The following HR variants were observed in gnomAD, a reference collection of about 807,000 sequenced individuals.
HR encodes HR lysine demethylase and nuclear receptor corepressor, also known as lysine-specific demethylase hairless.
HR carries 83 observed loss-of-function variants against 128.6 expected under a neutral mutation model. The ratio of observed to expected loss-of-function variants is 0.65; its 90% CI spans 0.54 to 0.77. The LOEUF is 0.77. Ranked by LOEUF, HR falls within the 30% of genes least tolerant of loss-of-function variation. The pLI is 0.00. For missense variants in HR, 1,490 were observed against 1,574.6 expected, an observed-to-expected ratio of 0.95 and a Z score of 0.91; for synonymous variants, 681 against 658.2, an observed-to-expected ratio of 1.03 and a Z score of -0.53.
At chr8:22,122,932 G>C (rs1826792927) in intron 6 of HR, 53 bp from the exon 7 acceptor site, 2 of 1,511,448 alleles carry the variant, frequency 1.3e-6, no homozygotes, top group South Asian at 2.4e-5. Context: ...GTAATCACAG[G>C]TTAAGGTCAG....
intron 5 of HR, among the ~76,000 whole-genome samples, chr8:22,124,346 C>T (rs777023524): frequency 2.4e-4 from 36 of 152,212 alleles, no homozygotes; most frequent in African/African-American, 7.7e-4. Flanking sequence ...CCTCCCACCT[C>T]GGCCTCCCAA....
At chr8:22,129,273 G>A in intron 1 of HR, 63 bp from the exon 2 acceptor site, 1 of 1,406,566 alleles carries the variant, frequency 7.1e-7, no homozygotes, top group Non-Finnish European at 9.5e-7. Flanking sequence ...TTACAGCCTG[G>A]CACAGAGTGG....
At chr8:22,121,774 A>G in intron 8 of HR, 80 bp from the exon 9 acceptor site, 1 of 1,351,920 alleles carries the variant, frequency 7.4e-7, no homozygotes, top group Non-Finnish European at 1.1e-6. Flanking sequence ...ACCCACAAGA[A>G]TGAACAATGG....
intron 11 of HR, 103 bp from the exon 12 acceptor site, chr8:22,120,610 C>T (rs1826719274): frequency 1.3e-6 from 2 of 1,580,396 alleles, no homozygotes; most frequent in East Asian, 4.5e-5. Flanking sequence ...CGGGGACAGC[C>T]CTCCTGCTCC....
intron 8 of HR, 33 bp downstream of exon 8, chr8:22,122,460 G>T: frequency 6.6e-7 from 1 of 1,512,942 alleles, no homozygotes; most frequent in Non-Finnish European, 9.1e-7. Context: ...TTGCAGGCAC[G>T]ATACCCAACC....
intron 6 of HR, 32 bp downstream of exon 6, chr8:22,123,617 T>TTGGGCG: frequency 6.8e-6 from 2 of 292,088 alleles, no homozygotes; most frequent in Non-Finnish European, 1.2e-5. Flanking sequence ...GAGGGCTCCA[T>TTGGGCG]CCCGCCCTCC....
intron 16 of HR, chr8:22,117,698 A>G (rs6557831): frequency 0.57 from 86,561 of 152,168 alleles, 25,351 homozygotes; most frequent in Middle Eastern, 0.71. Flanking sequence ...AGGGACTCGC[A>G]GAGGACAGAG....
In HR at chr8:22,127,312, G is replaced by T; in HGVS notation, c.1130C>A (p.Thr377Asn). 1 of 1,613,426 alleles carries T rather than the reference G, an allele frequency of 6.2e-7. No homozygotes were observed. The highest frequency in any genetic ancestry group is 8.5e-7 in the Non-Finnish European group (1 of 1,180,036). ...GPRACPPSHH[T>N]KLKKTWLTRH... ...TGTGAGCCATGTCTTCTTCAGCTTG[G>T]TGTGGTGGCTGGGGGGACAGGCCCT... Residue 377 changes from threonine (T) to asparagine (N), a missense_variant, in exon 3 of 19, where the codon ACC becomes AAC. This residue lies in a region of HR where 1,060 missense variants were observed against 1,060.9 expected (regional missense o/e 1.00). Coordinates refer to ENST00000381418, the MANE Select transcript of HR (RefSeq NM_005144.5).
chr8:22,119,925 A>AT, intron 13 of HR, 35 bp from the exon 14 acceptor site: 1 of 1,612,420 alleles, frequency 6.2e-7, no homozygotes. Context: ...AGCAGGCCCA[A>AT]CCTGGGCACC....
chr8:22,116,774 C>T lies in HR; in HGVS notation c.3378+101G>A, dbSNP rs915069903. 11 of 1,463,130 alleles carry T rather than the reference C, an allele frequency of 7.5e-6. No individual in the cohort carries two copies. Among genetic ancestry groups the T allele is most frequent in the African/African-American group, 2.8e-5 (2 of 71,570 alleles). The allele number at this position is 1,463,130 out of a possible 1,614,324, so 90.6% of individuals were successfully genotyped here. On this transcript the variant is annotated intron_variant, in intron 17 of 18. Coordinates refer to ENST00000381418, the MANE Select transcript of HR (RefSeq NM_005144.5). This position sits in a 1 kb window ranked among gnomAD's most constrained non-coding sequence, Gnocchi z 4.2. The stretch of plus-strand genomic sequence containing the variant: ...GCAGCGTGCGGCTCCCTGCCCTGCC[C>T]GGCTCTTGGGTATTGAGGGGATGTT...
Position 22,121,172 on chromosome 8 carries a change from G to A in HR, c.2260C>T (p.Pro754Ser), listed in dbSNP as rs1826741839. Reference protein sequence around the residue: ...AEDRAGRGPLPCPSLCELLAS... With the variant: ...AEDRAGRGPLSCPSLCELLAS... ...AGCAGTTCGCAGAGAGAAGGACAAG[G>A]CAGGGGCCCTCGGCCAGCACGGTCC... The change falls in exon 10 of 19, where the codon CCT becomes TCT. Residue 754 changes from proline to serine, a missense_variant. Pro to Ser is a moderately conservative substitution (Grantham distance 74). Coordinates refer to ENST00000381418, the MANE Select transcript of HR (RefSeq NM_005144.5). 1 of 1,613,986 alleles carries A rather than the reference G, an allele frequency of 6.2e-7. No homozygotes were observed. The highest frequency in any genetic ancestry group is 1.3e-5 in the African/African-American group (1 of 75,072).
At position 22,116,825 on chromosome 8, in the gene HR, G is replaced by T. The variant is rs756583051; in HGVS notation, c.3378+50C>A. ...GGATGCCTGCGGCCTTGATTGGGTC[G>T]CTTCTGCCATCCTGATCTCCCCGCA... On this transcript the variant is annotated intron_variant, in intron 17 of 18. Coordinates refer to ENST00000381418, the MANE Select transcript of HR (RefSeq NM_005144.5). The surrounding 1 kb of genome is among the most constrained non-coding windows in gnomAD (Gnocchi z 4.2). 6.5e-7 allele frequency: 1 copy of T among 1,544,470 alleles called. No homozygotes were observed. The highest frequency in any genetic ancestry group is 1.2e-5 in the South Asian group (1 of 84,342).
At chr8:22,123,252 A>G (rs1826800368) in intron 6 of HR, among the ~76,000 whole-genome samples, 2 of 152,232 alleles carry the variant, frequency 1.3e-5, no homozygotes, top group Non-Finnish European at 2.9e-5. Context: ...ATGAAATCAG[A>G]AGACCTGAGT....
At position 22,127,688 on chromosome 8, in the gene HR, C is replaced by T. The variant is rs1258509571; in HGVS notation, c.754G>A (p.Asp252Asn). 1 of 1,609,908 alleles carries T rather than the reference C, an allele frequency of 6.2e-7. No individual in the cohort carries two copies. Among genetic ancestry groups the T allele is most frequent in the South Asian group, 1.1e-5 (1 of 91,082 alleles). The change falls in exon 3 of 19, where the codon GAT becomes AAT. Residue 252 changes from aspartate (D) to asparagine (N), a missense_variant. Physicochemically the swap from Asp to Asn is conservative, Grantham distance 23. Transcript: ENST00000381418. Reference sequence around the variant, plus strand: ...TGCCGGCCAGCTCCCATCTCTCCATCCCTCTGGTGCAGTGAAGGGCGTTCG... The same window carrying T: ...TGCCGGCCAGCTCCCATCTCTCCATTCCTCTGGTGCAGTGAAGGGCGTTCG... ...EAERPSLHQR[D>N]GEMGAGRQQN...
intron 13 of HR, 41 bp downstream of exon 13, chr8:22,120,063 G>C (rs375246939): frequency 3.2e-6 from 5 of 1,568,170 alleles, no homozygotes; most frequent in Non-Finnish European, 4.3e-6. Flanking sequence ...CGGGGCCTGC[G>C]GTGGCGGGGA....
chr8:22,123,617 T>TGGGGGGGG, intron 6 of HR, 32 bp downstream of exon 6: 241 of 291,736 alleles, frequency 8.3e-4, no homozygotes, highest in East Asian at 1.2e-3. Context: ...GAGGGCTCCA[T>TGGGGGGGG]CCCGCCCTCC....
rs1450426058 is a variant in HR, at chr8:22,120,799, C to T, written c.2527G>A (p.Gly843Arg). The T allele has an allele frequency of 1.3e-6, 2 of 1,544,398 alleles. No homozygotes were observed. Among genetic ancestry groups the T allele is most frequent in the Admixed American group, 2.0e-5 (1 of 50,834 alleles). Residue 843 changes from glycine (G) to arginine (R), a missense_variant, in exon 11 of 19, where the codon GGG becomes AGG. Physicochemically the swap from Gly to Arg is moderately radical, Grantham distance 125. Coordinates refer to ENST00000381418, the MANE Select transcript of HR (RefSeq NM_005144.5). ...GGCTCCTGCAGCCACAGCAAAGCCC[C>T]TGGGGGAGGCAGCCGGGGCCGCACT... ...SPVRPRLPPP[G>R]ALLWLQEPQP...
chr8:22,115,883 C>G (rs1586367068), intron 18 of HR, 121 bp from the exon 19 acceptor site: 1 of 1,002,954 alleles, frequency 1.0e-6, no homozygotes, highest in African/African-American at 1.6e-5. Flanking sequence ...GTAATCCCAG[C>G]ACTTTGGGAG....
At chr8:22,115,877 TC>T in intron 18 of HR, 115 bp from the exon 19 acceptor site, 1 of 1,047,482 alleles carries the variant, frequency 9.5e-7, no homozygotes, top group Non-Finnish European at 1.4e-6. Context: ...ACACCTGTAA[TC>T]CCAGCACTTT....
Sources: allele counts gnomAD v4.1 joint callset (sites outside exome capture counted in the v4.1 genomes callset), GRCh38; gene constraint gnomAD v4.1.1; regional missense constraint gnomAD v4.1.1; non-coding constraint Gnocchi (gnomAD v3.1); transcripts MANE v1.5; gene names NCBI Gene and HGNC (gene_info 2026-07-23, HGNC 2026-07-21).